ZNRF1: variants seen among roughly 807,000 people sequenced by gnomAD.
ZNRF1 encodes zinc and ring finger 1, also known as E3 ubiquitin-protein ligase ZNRF1.
In ZNRF1, 3 loss-of-function variants were observed where a neutral mutation model predicts 18.4. The ratio of observed to expected loss-of-function variants is 0.16; its 90% confidence interval spans 0.07 to 0.42. The LOEUF is 0.42. Among genes scored for constraint, ZNRF1 ranks in the 10% least tolerant of loss-of-function variants. The pLI, the probability that ZNRF1 is intolerant of heterozygous loss-of-function variation, is 0.99. For missense variants in ZNRF1, 310 were observed against 329.8 expected (o/e 0.94, Z 0.47); for synonymous variants, 157 against 144.2 (o/e 1.09, Z -0.64).
chr16:75,000,146 C>T (rs758947774), intron 1 of ZNRF1, 51 bp downstream of exon 1: 25 of 1,564,974 alleles, frequency 1.6e-5, no homozygotes, highest in Non-Finnish European at 2.1e-5. Flanking sequence ...CCGGGGCGCC[C>T]CAAGCCTTCG....
In ZNRF1 at chr16:75,050,905, AC is replaced by A. The variant is rs1567478952; in HGVS notation, c.425-42666del. On this transcript the variant is annotated intron_variant, in intron 1 of 4. Transcript: ENST00000335325. ...AAAAAAAAACAAAAAAAAACAAAAA[AC>A]TTGTAGCCAGGTACAGTGGCTCACA... Among the ~76,000 whole-genome samples, 35 of 128,922 alleles carry A rather than the reference AC, an allele frequency of 2.7e-4. 1 individual carries two copies. The highest frequency in any genetic ancestry group is 9.7e-4 in the East Asian group (4 of 4,136). The allele number at this position is 128,922 out of a possible 152,430, so 84.6% of individuals were successfully genotyped here.
chr16:75,105,488 C>G (rs1295127655), intron 3 of ZNRF1: 9 of 152,918 alleles, frequency 5.9e-5, no homozygotes, highest in South Asian at 2.1e-4. Context: ...GGACACTGTG[C>G]TGCCTGGGGC....
At chr16:75,062,461 C>G (rs2035755756) in intron 1 of ZNRF1, among the ~76,000 whole-genome samples, 2 of 152,242 alleles carry the variant, frequency 1.3e-5, no homozygotes, top group African/African-American at 4.8e-5. Flanking sequence ...ATTAAAAGAG[C>G]TAAGTCAAAG....
chr16:75,020,221 A>C (rs925500183), intron 1 of ZNRF1, among the ~76,000 whole-genome samples: 3 of 152,002 alleles, frequency 2.0e-5, no homozygotes, highest in Non-Finnish European at 2.9e-5. Flanking sequence ...TATTAATGTC[A>C]GCTTTCTTTT....
chr16:75,043,541 C>T (rs184566771), intron 1 of ZNRF1, among the ~76,000 whole-genome samples: 208 of 152,266 alleles, frequency 1.4e-3, no homozygotes, highest in Middle Eastern at 6.8e-3. Context: ...CTAATACTTA[C>T]AGAACATTTA....
At chr16:75,077,091 C>T (rs1468385515) in intron 1 of ZNRF1, among the ~76,000 whole-genome samples, 1 of 152,190 alleles carries the variant, frequency 6.6e-6, no homozygotes, top group East Asian at 1.9e-4. Flanking sequence ...CCCAGCTACT[C>T]TCCTTTAAGA....
intron 2 of ZNRF1, among the ~76,000 whole-genome samples, chr16:75,103,903 T>A (rs1184471778): frequency 6.6e-6 from 1 of 151,762 alleles, no homozygotes; most frequent in Non-Finnish European, 1.5e-5. Flanking sequence ...GAAAATCACT[T>A]GAACCCAGGA....
At chr16:75,088,869 G>A (rs2036104481) in intron 1 of ZNRF1, among the ~76,000 whole-genome samples, 1 of 152,194 alleles carries the variant, frequency 6.6e-6, no homozygotes. Context: ...TGCTGCAGAG[G>A]TTAAAGAGAG....
intron 1 of ZNRF1, among the ~76,000 whole-genome samples, chr16:75,066,339 C>T (rs1450440597): frequency 1.3e-5 from 2 of 152,152 alleles, no homozygotes; most frequent in African/African-American, 4.8e-5. Context: ...CCTGTTACAT[C>T]AGTAGACCAA....
chr16:75,069,820 A>G (rs569105188), intron 1 of ZNRF1, among the ~76,000 whole-genome samples: 3 of 152,234 alleles, frequency 2.0e-5, no homozygotes, highest in East Asian at 1.9e-4. Flanking sequence ...CTCCACTTAC[A>G]TGTTTCTCAC....
chr16:75,075,040 G>A (rs930861823), intron 1 of ZNRF1, among the ~76,000 whole-genome samples: 8 of 124,874 alleles, frequency 6.4e-5, no homozygotes, highest in Non-Finnish European at 1.3e-4. Context: ...GGGGTCATAA[G>A]CCCAGGTCAC....
intron 1 of ZNRF1, among the ~76,000 whole-genome samples, chr16:75,078,087 C>T (rs1002224789): frequency 1.4e-4 from 21 of 152,084 alleles, no homozygotes; most frequent in African/African-American, 4.8e-4. Context: ...ACACATGTTC[C>T]CATGTAATGG....
chr16:75,105,079 C>A, intron 3 of ZNRF1, 190 bp downstream of exon 3: 1 of 541,980 alleles, frequency 1.8e-6, no homozygotes, highest in East Asian at 3.2e-5. Context: ...ATCCCAAGTG[C>A]AGAGCAGAGT....
intron 1 of ZNRF1, 83 bp downstream of exon 1, chr16:75,000,178 A>G (rs2034824426): frequency 1.3e-6 from 2 of 1,522,454 alleles, no homozygotes; most frequent in African/African-American, 1.4e-5. Flanking sequence ...AGGTTTGGGA[A>G]TGTAGTGCAC....
At chr16:75,079,257 G>A (rs1040273528) in intron 1 of ZNRF1, among the ~76,000 whole-genome samples, 3 of 152,044 alleles carry the variant, frequency 2.0e-5, no homozygotes, top group Non-Finnish European at 4.4e-5. Context: ...TGAGGCGGGC[G>A]GATCACAAGG....
chr16:75,048,984 T>A (rs1455636447), intron 1 of ZNRF1, among the ~76,000 whole-genome samples: 1 of 152,144 alleles, frequency 6.6e-6, no homozygotes, highest in Non-Finnish European at 1.5e-5. Flanking sequence ...TATTAGTTTT[T>A]TATTTGCTGG....
At chr16:75,017,752 G>A (rs879360617) in intron 1 of ZNRF1, among the ~76,000 whole-genome samples, 24 of 152,218 alleles carry the variant, frequency 1.6e-4, no homozygotes, top group Admixed American at 3.9e-4. Context: ...TCTGTTGAAA[G>A]AAGGGCTTCT....
chr16:75,090,414 C>T (rs2036123220), intron 1 of ZNRF1, among the ~76,000 whole-genome samples: 1 of 152,080 alleles, frequency 6.6e-6, no homozygotes, highest in Non-Finnish European at 1.5e-5. Flanking sequence ...AACGGGGTCT[C>T]ACTGTGTTGC....
rs540072518 is a variant in ZNRF1, at chr16:75,078,832, A to T, written c.425-14740A>T. On this transcript the variant is annotated intron_variant, in intron 1 of 4. Coordinates refer to ENST00000335325, the MANE Select transcript of ZNRF1 (RefSeq NM_032268.5). ...TGGCTTAACATTTCTGTCCACTGAC[A>T]TATACTTGGTTTTAATGTTATGTCA... 1.4e-4 allele frequency among the ~76,000 whole-genome samples: 21 copies of T among 152,350 alleles called. No homozygotes were observed. In the South Asian group the frequency reaches 4.1e-3, roughly 30 times the overall value.
Sources: allele counts gnomAD v4.1 joint callset (sites outside exome capture counted in the v4.1 genomes callset), GRCh38; gene constraint gnomAD v4.1.1; transcripts MANE v1.5; gene names NCBI Gene and HGNC (gene_info 2026-07-23, HGNC 2026-07-21).